CCDC91: variants seen among roughly 807,000 people sequenced by gnomAD.
CCDC91 encodes the protein coiled-coil domain containing 91.
In CCDC91, 48 loss-of-function variants were observed where a neutral mutation model predicts 63.2. That is an observed-to-expected ratio of 0.76 (90% CI 0.60 to 0.97). The LOEUF is 0.97. Among genes scored for constraint, CCDC91 ranks in the 50% least tolerant of loss-of-function variants. The pLI, the probability that CCDC91 is intolerant of heterozygous loss-of-function variation, is 0.00. For synonymous variants in CCDC91, 167 were observed against 165.8 expected, an observed-to-expected ratio of 1.01 and a Z score of -0.06; for missense variants, 500 against 494.6, an observed-to-expected ratio of 1.01 and a Z score of -0.10.
intron 12 of CCDC91, among the ~76,000 whole-genome samples, chr12:28,546,790 G>A (rs759491347): frequency 2.6e-5 from 4 of 151,974 alleles, no homozygotes; most frequent in Non-Finnish European, 4.4e-5. Flanking sequence ...CTGCAGTTGG[G>A]ACTGATAACT....
chr12:28,520,159 A>G (rs537169635), intron 12 of CCDC91, among the ~76,000 whole-genome samples: 35 of 152,274 alleles, frequency 2.3e-4, no homozygotes, highest in African/African-American at 7.7e-4. Flanking sequence ...GACTTCCACT[A>G]TGGTTGAACT....
intron 8 of CCDC91, among the ~76,000 whole-genome samples, chr12:28,404,053 T>C (rs1419193973): frequency 6.6e-6 from 1 of 152,016 alleles, no homozygotes; most frequent in Admixed American, 6.6e-5. Context: ...AGTATTTTTA[T>C]GTTATTTTAG....
At chr12:28,491,861 TTGTG>T (rs35451448) in intron 12 of CCDC91, among the ~76,000 whole-genome samples, 52,678 of 144,916 alleles carry the variant, frequency 0.36, 9,565 homozygotes, top group Middle Eastern at 0.48. Context: ...GTCAAAAATT[TTGTG>T]TGTGTGTGTG....
At chr12:28,280,787 G>A (rs112447158) in intron 3 of CCDC91, among the ~76,000 whole-genome samples, 6 of 150,554 alleles carry the variant, frequency 4.0e-5, no homozygotes, top group African/African-American at 1.2e-4. Flanking sequence ...AAGACCAACC[G>A]GTGCAACATA....
chr12:28,376,594 T>G (rs1031615443), intron 7 of CCDC91, among the ~76,000 whole-genome samples: 2 of 151,772 alleles, frequency 1.3e-5, no homozygotes, highest in Non-Finnish European at 3.0e-5. Context: ...AAGAAAGTCA[T>G]ACATGGAAAA....
chr12:28,541,324 G>T (rs1942615298), intron 12 of CCDC91, among the ~76,000 whole-genome samples: 1 of 63,918 alleles, frequency 1.6e-5, no homozygotes, highest in African/African-American at 7.7e-5. Context: ...TGTGTGCAAA[G>T]AAAAGAATAA....
intron 12 of CCDC91, among the ~76,000 whole-genome samples, chr12:28,501,282 G>A (rs546652356): frequency 6.6e-6 from 1 of 151,840 alleles, no homozygotes; most frequent in African/African-American, 2.4e-5. Flanking sequence ...CATGTCTTGT[G>A]CCAGTTTTCA....
intron 3 of CCDC91, among the ~76,000 whole-genome samples, chr12:28,278,953 T>C (rs750298298): frequency 2.0e-5 from 3 of 152,060 alleles, no homozygotes; most frequent in Non-Finnish European, 4.4e-5. Context: ...ATATAACTTA[T>C]ATACAGGTAT....
At chr12:28,306,110 AAAG>A (rs1187322508) in intron 4 of CCDC91, among the ~76,000 whole-genome samples, 3 of 152,134 alleles carry the variant, frequency 2.0e-5, no homozygotes, top group Admixed American at 6.6e-5. Flanking sequence ...AAAATAATAC[AAAG>A]AAGAATAAGT....
chr12:28,336,747 G>C (rs1942012193), intron 6 of CCDC91, among the ~76,000 whole-genome samples: 1 of 152,020 alleles, frequency 6.6e-6, no homozygotes, highest in Admixed American at 6.5e-5. Context: ...GCAGCTACAG[G>C]TAATTCATTT....
intron 7 of CCDC91, among the ~76,000 whole-genome samples, chr12:28,365,601 A>G (rs1944220883): frequency 6.6e-6 from 1 of 152,174 alleles, no homozygotes; most frequent in Non-Finnish European, 1.5e-5. Context: ...GCATTTATTC[A>G]TTTCTTAATT....
At chr12:28,361,823 T>C (rs757182640) in intron 6 of CCDC91, among the ~76,000 whole-genome samples, 5 of 148,168 alleles carry the variant, frequency 3.4e-5, no homozygotes, top group Admixed American at 1.4e-4. Flanking sequence ...AAACCACCTA[T>C]GGACCTATCT....
chr12:28,249,718 C>CTT (rs777184107), intron 1 of CCDC91, among the ~76,000 whole-genome samples: 4 of 143,996 alleles, frequency 2.8e-5, no homozygotes, highest in Admixed American at 7.0e-5. Flanking sequence ...ACTATGATTA[C>CTT]TTTTTTTTTT....
chr12:28,375,550 GA>G (rs1944893232), intron 7 of CCDC91, among the ~76,000 whole-genome samples: 1 of 151,820 alleles, frequency 6.6e-6, no homozygotes, highest in Non-Finnish European at 1.5e-5. Flanking sequence ...AAGTACAAAA[GA>G]AAACAAACAA....
chr12:28,507,399 C>G (rs1938861102), intron 12 of CCDC91, among the ~76,000 whole-genome samples: 1 of 151,954 alleles, frequency 6.6e-6, no homozygotes, highest in Non-Finnish European at 1.5e-5. Context: ...CCAATAGATG[C>G]CAGTAGTAGC....
chr12:28,394,603 A>G (rs1255530465), intron 8 of CCDC91, among the ~76,000 whole-genome samples: 2 of 152,104 alleles, frequency 1.3e-5, no homozygotes, highest in Non-Finnish European at 2.9e-5. Context: ...TTTGAAATGA[A>G]ATTAGTACCT....
At chr12:28,263,589 A>C (rs1946974463) in intron 3 of CCDC91, among the ~76,000 whole-genome samples, 1 of 151,990 alleles carries the variant, frequency 6.6e-6, no homozygotes, top group East Asian at 1.9e-4. Context: ...TTATCTGTTC[A>C]TTTGTTTATG....
intron 11 of CCDC91, among the ~76,000 whole-genome samples, chr12:28,458,165 C>T (rs1426979388): frequency 6.6e-6 from 1 of 152,064 alleles, no homozygotes; most frequent in Non-Finnish European, 1.5e-5. Flanking sequence ...TGAAATTTTT[C>T]TGTGCTGACT....
At chr12:28,427,684 C>G (rs1312065260) in intron 8 of CCDC91, among the ~76,000 whole-genome samples, 5 of 152,118 alleles carry the variant, frequency 3.3e-5, no homozygotes, top group African/African-American at 1.2e-4. Context: ...GCATATTTCT[C>G]CAAATTTTGA....
Sources: allele counts gnomAD v4.1 joint callset (sites outside exome capture counted in the v4.1 genomes callset), GRCh38; gene constraint gnomAD v4.1.1; transcripts MANE v1.5; gene names NCBI Gene and HGNC (gene_info 2026-07-23, HGNC 2026-07-21).